UMOD: variants seen among roughly 807,000 people sequenced by gnomAD.
UMOD encodes the protein uromodulin, also known as Tamm-Horsfall urinary glycoprotein.
In UMOD, 64 loss-of-function variants were observed where a neutral mutation model predicts 66.0. The ratio of observed to expected loss-of-function variants is 0.97; its 90% CI spans 0.79 to 1.19. UMOD has a LOEUF of 1.19. UMOD is among the 50% of genes most tolerant of loss of function. UMOD has a pLI of 0.00. For synonymous variants in UMOD, 398 were observed against 352.7 expected (o/e 1.13, Z -1.44); for missense variants, 764 against 850.9 (o/e 0.90, Z 1.27).
intron 7 of UMOD, 61 bp from the exon 8 acceptor site, chr16:20,337,514 C>T (rs1964955241): frequency 6.2e-7 from 1 of 1,605,724 alleles, no homozygotes; most frequent in African/African-American, 1.3e-5. Flanking sequence ...AGTCAGACTT[C>T]CTGGATTCAA....
upstream of UMOD, chr16:20,356,262 C>G (rs1180378322): frequency 4.6e-5 from 7 of 152,332 alleles, no homozygotes; most frequent in African/African-American, 1.4e-4. Flanking sequence ...CACCCATTCT[C>G]TGGCTCGTGG....
chr16:20,338,178 G>T (rs1452679687), intron 7 of UMOD, among the ~76,000 whole-genome samples: 2 of 152,204 alleles, frequency 1.3e-5, no homozygotes, highest in Non-Finnish European at 2.9e-5. Flanking sequence ...GGCTCCAAAA[G>T]TGCAGACTCT....
Position 20,350,639 on chromosome 16 carries a change from T to G in UMOD, c.88+11A>C, listed in dbSNP as rs748028127. 1.2e-6 allele frequency: 2 copies of G among 1,614,008 alleles called. No homozygotes were observed. The highest frequency in any genetic ancestry group is 1.7e-6 in the Non-Finnish European group (2 of 1,179,988). ...ACACACATATACAACGCACACACAC[T>G]TTTCACTTACTTGCTTCTGAGGTGT... is the stretch of plus-strand genomic sequence containing the variant. On this transcript the variant is annotated intron_variant, in intron 2 of 10. Transcript: ENST00000396138.
intron 1 of UMOD, 122 bp from the exon 2 acceptor site, chr16:20,350,961 G>A: frequency 1.0e-6 from 1 of 963,108 alleles, no homozygotes; most frequent in Non-Finnish European, 1.5e-6. Flanking sequence ...CTAAAAAATT[G>A]CATAACACTG....
chr16:20,354,382 G>T (rs1004698078), upstream of UMOD, among the ~76,000 whole-genome samples: 1 of 152,210 alleles, frequency 6.6e-6, no homozygotes. Context: ...TTATAAATTG[G>T]TTTACAATCC....
upstream of UMOD, among the ~76,000 whole-genome samples, chr16:20,355,889 G>T (rs1472521705): frequency 6.6e-6 from 1 of 152,156 alleles, no homozygotes; most frequent in Admixed American, 6.5e-5. Flanking sequence ...GAGAGGTGGA[G>T]TAACTCCCCC....
Position 20,333,241 on chromosome 16 carries a change from T to C in UMOD, c.*73A>G. 4 of 1,455,104 alleles carry C rather than the reference T, an allele frequency of 2.7e-6. No individual in the cohort carries two copies. Among genetic ancestry groups the C allele is most frequent in the Non-Finnish European group, 3.8e-6 (4 of 1,047,294 alleles). The allele number at this position is 1,455,104 out of a possible 1,614,324, so 90.1% of individuals were successfully genotyped here. The stretch of plus-strand genomic sequence containing the variant: ...ACTTTCTTTTCTGTGGCTGGAGCAC[T>C]GGCCCGCATCATGCCCCCTGCCCAG... On this transcript the variant is annotated 3_prime_UTR_variant, in exon 11 of 11. Coordinates refer to ENST00000396138, the MANE Select transcript of UMOD (RefSeq NM_003361.4).
rs755850083 is a variant in UMOD at position 20,348,362 on chromosome 16, A to G, written c.866-32T>C. 3.7e-6 allele frequency: 6 copies of G among 1,614,048 alleles called. 1 individual carries two copies. The highest frequency in any genetic ancestry group is 2.2e-5 in the South Asian group (2 of 91,090). On this transcript the variant is annotated intron_variant, in intron 3 of 10. Coordinates refer to ENST00000396138, the MANE Select transcript of UMOD (RefSeq NM_003361.4). ...GGTCACAGGGACAGACAGACAATCA[A>G]TAAGGACGCACCCCCGTCCTCTGCA... is the stretch of plus-strand genomic sequence containing the variant.
At position 20,341,160 on chromosome 16, in the gene UMOD, A is replaced by C. The variant is rs746688683; in HGVS notation, c.1508T>G (p.Met503Arg). The stretch of plus-strand genomic sequence containing the variant: ...ACTGGGTGTGGCATAGCAGTTGGTC[A>C]TGAGCAGTGCAAATCGGGACAGGTC... ...GGDLSRFALLMTNCYATPSSN... is the reference protein window; with the variant it reads ...GGDLSRFALLRTNCYATPSSN... The change falls in exon 7 of 11, where the codon ATG becomes AGG. Residue 503 changes from methionine to arginine, a missense_variant. Met to Arg is a moderately conservative substitution (Grantham distance 91, BLOSUM62 -1). Coordinates refer to ENST00000396138, the MANE Select transcript of UMOD (RefSeq NM_003361.4). 1 of 1,614,110 alleles carries C rather than the reference A, an allele frequency of 6.2e-7. No individual in the cohort carries two copies. Among genetic ancestry groups the C allele is most frequent in the East Asian group, 2.2e-5 (1 of 44,880 alleles).
In UMOD at chr16:20,348,574, C is replaced by T. The variant is rs1326292358; in HGVS notation, c.727G>A (p.Val243Met). 1 of 1,595,444 alleles carries T rather than the reference C, an allele frequency of 6.3e-7. No homozygotes were observed. The highest frequency in any genetic ancestry group is 8.5e-7 in the Non-Finnish European group (1 of 1,175,656). Reference sequence around the variant, plus strand: ...CAGTGCGCGCAGGCCTTGCGGCTCACGATGCCCTCGTCGCTGGACGGATGC... The same window carrying T: ...CAGTGCGCGCAGGCCTTGCGGCTCATGATGCCCTCGTCGCTGGACGGATGC... ...GTHPSSDEGIVSRKACAHWSG... is the reference protein window; with the variant it reads ...GTHPSSDEGIMSRKACAHWSG... The change falls in exon 3 of 11, where the codon GTG becomes ATG. Residue 243 changes from valine to methionine, a missense_variant. Coordinates refer to ENST00000396138, the MANE Select transcript of UMOD (RefSeq NM_003361.4).
chr16:20,344,538 G>T (rs1401464513), intron 5 of UMOD, among the ~76,000 whole-genome samples: 13 of 150,432 alleles, frequency 8.6e-5, no homozygotes, highest in Admixed American at 6.6e-4. Context: ...GGGAGGCAGA[G>T]CTTGCAATGA....
chr16:20,348,489 T>A lies in UMOD; in HGVS notation c.812A>T (p.Tyr271Phe). The change falls in exon 3 of 11, where the codon TAC becomes TTC. Residue 271 changes from tyrosine to phenylalanine, a missense_variant. Transcript: ENST00000396138. The part of the protein sequence containing the change: ...SVQVKACAGG[Y>F]YVYNLTAPPE... Reference sequence around the variant, plus strand: ...GGGCGCTGTCAGGTTGTAGACGTAGTAGCCGCCGGCACAGGCCTTCACCTG... The same window carrying A: ...GGGCGCTGTCAGGTTGTAGACGTAGAAGCCGCCGGCACAGGCCTTCACCTG... 6.2e-7 allele frequency: 1 copy of A among 1,611,794 alleles called. No homozygotes were observed. The highest frequency in any genetic ancestry group is 1.7e-4 in the Middle Eastern group (1 of 6,060).
In UMOD at chr16:20,333,313, G is replaced by A; in HGVS notation, c.*1C>T. The A allele has an allele frequency of 1.2e-6, 2 of 1,612,992 alleles. No individual in the cohort carries two copies. Among genetic ancestry groups the A allele is most frequent in the Non-Finnish European group, 1.7e-6 (2 of 1,179,680 alleles). The stretch of plus-strand genomic sequence containing the variant: ...TGGAGCACAGGGCTTTCCGCTGTCA[G>A]TCACTGAAAAGTCAGGGTCAAGGTG... On this transcript the variant is annotated 3_prime_UTR_variant, in exon 11 of 11. Transcript: ENST00000396138.
chr16:20,346,347 A>C lies in UMOD; in HGVS notation c.974-13T>G. The C allele has an allele frequency of 6.2e-7, 1 of 1,614,186 alleles. No homozygotes were observed. Among genetic ancestry groups the C allele is most frequent in the Non-Finnish European group, 8.5e-7 (1 of 1,180,028 alleles). On this transcript the variant is annotated splice_polypyrimidine_tract_variant and intron_variant, in intron 4 of 10. Coordinates refer to ENST00000396138, the MANE Select transcript of UMOD (RefSeq NM_003361.4). Reference sequence around the variant, plus strand: ...AGGAGGGAGATATCTGAAACAGGTTAGGTGGGATTGAGGACGTGTGTCTAT... The same window carrying C: ...AGGAGGGAGATATCTGAAACAGGTTCGGTGGGATTGAGGACGTGTGTCTAT...
intron 10 of UMOD, among the ~76,000 whole-genome samples, chr16:20,334,054 A>AAG (rs5816102): frequency 1.3e-5 from 2 of 150,394 alleles, no homozygotes; most frequent in East Asian, 3.9e-4. Context: ...AAAAAAAAAA[A>AAG]GCCAAGTTAG....
chr16:20,355,297 C>G (rs1966012983), upstream of UMOD, among the ~76,000 whole-genome samples: 1 of 152,112 alleles, frequency 6.6e-6, no homozygotes, highest in African/African-American at 2.4e-5. Flanking sequence ...ATATTTTTCT[C>G]TTTATCTTAC....
chr16:20,351,967 G>C (rs1459408505), intron 1 of UMOD, among the ~76,000 whole-genome samples: 1 of 149,772 alleles, frequency 6.7e-6, no homozygotes, highest in Admixed American at 6.7e-5. Flanking sequence ...GCAGTGAGCT[G>C]AGATCGTGCC....
intron 6 of UMOD, 81 bp downstream of exon 6, chr16:20,343,943 G>T: frequency 6.5e-7 from 1 of 1,540,158 alleles, no homozygotes. Context: ...CCCTGTGGGT[G>T]GCAGTTGACA....
chr16:20,334,240 G>A lies in UMOD; in HGVS notation c.1862-865C>T, dbSNP rs368680091. 1.8e-3 allele frequency among the ~76,000 whole-genome samples: 270 copies of A among 151,870 alleles called. 2 individuals are homozygous for A. The highest frequency in any genetic ancestry group is 2.7e-3 in the Non-Finnish European group (184 of 67,946). On this transcript the variant is annotated intron_variant, in intron 10 of 10. Transcript: ENST00000396138. ...GAGAAGTGGGGGTTCTTGTTTGGCC[G>A]TTGTGTTTGCCCCAGCACTAAGCAT...
Sources: gnomAD v4.1 joint callset for allele counts (sites outside exome capture counted in the v4.1 genomes callset) on GRCh38, gnomAD v4.1.1 for gene constraint, MANE v1.5 for transcripts, NCBI Gene and HGNC (gene_info 2026-07-23, HGNC 2026-07-21) for gene names.